The following KCNIP4 variants were observed in gnomAD, a reference collection of about 807,000 sequenced individuals.
The protein encoded by KCNIP4 is Kv channel-interacting protein 4.
A neutral mutation model predicts 34.0 loss-of-function variants in KCNIP4; 12 were observed. The ratio of observed to expected loss-of-function variants is 0.35; its 90% confidence interval spans 0.23 to 0.57. The LOEUF is 0.57. KCNIP4 is among the 20% of genes least tolerant of loss of function. The probability of loss-of-function intolerance (pLI) is 0.83; values close to 1 mark genes in which losing one functional copy is unlikely to be tolerated. For synonymous variants in KCNIP4, 124 were observed against 102.2 expected, an observed-to-expected ratio of 1.21 and a Z score of -1.29; for missense variants, 238 against 311.7, an observed-to-expected ratio of 0.76 and a Z score of 1.78.
chr4:21,706,649 G>T (rs536369989), intron 1 of KCNIP4, among the ~76,000 whole-genome samples: 1 of 152,228 alleles, frequency 6.6e-6, no homozygotes, highest in African/African-American at 2.4e-5. Context: ...AAGAAAGTTG[G>T]CTTCTCTTCA....
chr4:21,551,053 A>C (rs1738540386), intron 1 of KCNIP4, among the ~76,000 whole-genome samples: 1 of 152,132 alleles, frequency 6.6e-6, no homozygotes, highest in Non-Finnish European at 1.5e-5. Context: ...AAACATGCAA[A>C]CATGAGCTAC....
At chr4:21,300,309 T>G (rs1352156562) in intron 1 of KCNIP4, among the ~76,000 whole-genome samples, 1 of 152,176 alleles carries the variant, frequency 6.6e-6, no homozygotes, top group Admixed American at 6.5e-5. Context: ...AATTTACTGT[T>G]GTGAAGTTTC....
intron 1 of KCNIP4, among the ~76,000 whole-genome samples, chr4:21,227,950 T>A (rs1758524280): frequency 6.6e-6 from 1 of 152,200 alleles, no homozygotes; most frequent in African/African-American, 2.4e-5. Context: ...TTCCTTATTT[T>A]TTTTCTGTCC....
At chr4:21,530,063 C>T (rs748284338) in intron 1 of KCNIP4, among the ~76,000 whole-genome samples, 5 of 152,124 alleles carry the variant, frequency 3.3e-5, no homozygotes, top group African/African-American at 4.8e-5. Context: ...TACAATTGAG[C>T]GCATCTAATC....
chr4:20,931,113 T>C (rs1000536512), intron 1 of KCNIP4, among the ~76,000 whole-genome samples: 6 of 151,794 alleles, frequency 4.0e-5, no homozygotes, highest in East Asian at 1.9e-4. Context: ...CTATTCACAA[T>C]AGTCAACATA....
chr4:21,121,728 A>G (rs540379787), intron 1 of KCNIP4, among the ~76,000 whole-genome samples: 4 of 152,362 alleles, frequency 2.6e-5, no homozygotes, highest in African/African-American at 9.6e-5. Flanking sequence ...ATATTGCCCA[A>G]AACATAACCT....
chr4:21,742,041 TAAAC>T (rs560397130), intron 1 of KCNIP4, among the ~76,000 whole-genome samples: 27 of 151,926 alleles, frequency 1.8e-4, no homozygotes, highest in East Asian at 1.6e-3. Context: ...CATCTCAAAA[TAAAC>T]AAACAAACAA....
chr4:21,062,365 CTA>C (rs1256738583), intron 1 of KCNIP4, among the ~76,000 whole-genome samples: 1 of 152,054 alleles, frequency 6.6e-6, no homozygotes, highest in African/African-American at 2.4e-5. Flanking sequence ...GTCCTAGCCT[CTA>C]GTCTTTCAGA....
intron 1 of KCNIP4, among the ~76,000 whole-genome samples, chr4:21,553,278 T>C (rs954795404): frequency 3.3e-5 from 5 of 152,144 alleles, no homozygotes; most frequent in Non-Finnish European, 7.4e-5. Flanking sequence ...CTTCTCTCAC[T>C]AGGTTTGTGT....
chr4:21,591,741 AT>A (rs1742240626), intron 1 of KCNIP4, among the ~76,000 whole-genome samples: 1 of 151,686 alleles, frequency 6.6e-6, no homozygotes, highest in African/African-American at 2.4e-5. Context: ...AAAAACCTTT[AT>A]CTTTTAATAC....
intron 1 of KCNIP4, among the ~76,000 whole-genome samples, chr4:21,290,351 A>G (rs1023348774): frequency 1.3e-5 from 2 of 152,190 alleles, no homozygotes; most frequent in East Asian, 3.9e-4. Context: ...TCCTGGGAAA[A>G]AAAAATAATG....
intron 3 of KCNIP4, among the ~76,000 whole-genome samples, chr4:20,813,194 G>A (rs1409712717): frequency 6.6e-6 from 1 of 152,074 alleles, no homozygotes; most frequent in Non-Finnish European, 1.5e-5. Flanking sequence ...GGAAGCTAAT[G>A]AAATAAATCA....
At chr4:21,636,394 C>T (rs1301984869) in intron 1 of KCNIP4, among the ~76,000 whole-genome samples, 1 of 151,782 alleles carries the variant, frequency 6.6e-6, no homozygotes, top group Non-Finnish European at 1.5e-5. Flanking sequence ...GTAATGTTTT[C>T]CTAAAACTAT....
chr4:20,847,737 T>C lies in KCNIP4; in HGVS notation c.288+2806A>G, dbSNP rs181844731. 1.5e-4 allele frequency among the ~76,000 whole-genome samples: 23 copies of C among 152,334 alleles called. No homozygotes were observed. In the East Asian group the frequency reaches 4.2e-3, roughly 28 times the overall value. On this transcript the variant is annotated intron_variant, in intron 3 of 8. Transcript: ENST00000382152. ...ATATGGGAAAAAATTGGTGGAGTTATGCTGGTCATATTTACTTGCAGGGGT... is the reference window on the plus strand; with the variant it reads ...ATATGGGAAAAAATTGGTGGAGTTACGCTGGTCATATTTACTTGCAGGGGT...
At chr4:21,133,601 C>T (rs935761031) in intron 1 of KCNIP4, among the ~76,000 whole-genome samples, 2 of 152,198 alleles carry the variant, frequency 1.3e-5, no homozygotes, top group Admixed American at 1.3e-4. Flanking sequence ...TTCCATCATC[C>T]TAATCTATAC....
chr4:20,776,928 CA>C (rs35878274), intron 3 of KCNIP4, among the ~76,000 whole-genome samples: 5 of 151,292 alleles, frequency 3.3e-5, no homozygotes, highest in Non-Finnish European at 7.4e-5. Flanking sequence ...AAAACACAGG[CA>C]AAAAAAATGG....
At chr4:20,915,435 G>C (rs187614066) in intron 1 of KCNIP4, among the ~76,000 whole-genome samples, 1 of 152,046 alleles carries the variant, frequency 6.6e-6, no homozygotes, top group African/African-American at 2.4e-5. Context: ...GTAACTAAAA[G>C]ATAATTTTTT....
At chr4:20,920,372 A>G (rs1357851967) in intron 1 of KCNIP4, among the ~76,000 whole-genome samples, 1 of 152,232 alleles carries the variant, frequency 6.6e-6, no homozygotes, top group Non-Finnish European at 1.5e-5. Flanking sequence ...TTGTATAATA[A>G]CATTAATAAT....
chr4:20,746,675 T>C (rs544989238), intron 5 of KCNIP4, among the ~76,000 whole-genome samples: 3 of 152,200 alleles, frequency 2.0e-5, no homozygotes, highest in Non-Finnish European at 4.4e-5. Flanking sequence ...ATTGCTGATG[T>C]TTTAGCAGTA....
Sources: allele counts gnomAD v4.1 joint callset (sites outside exome capture counted in the v4.1 genomes callset), GRCh38; gene constraint gnomAD v4.1.1; transcripts MANE v1.5; gene names NCBI Gene and HGNC (gene_info 2026-07-23, HGNC 2026-07-21).